The following PTPRG variants were observed in gnomAD, a reference collection of about 807,000 sequenced individuals.
PTPRG encodes the protein receptor-type tyrosine-protein phosphatase gamma.
A neutral mutation model predicts 165.3 loss-of-function variants in PTPRG; 102 were observed. The observed-to-expected ratio is 0.62, with a 90% CI of 0.53 to 0.73. PTPRG has a LOEUF of 0.73. PTPRG is among the 30% of genes least tolerant of loss of function. The pLI, the probability that PTPRG is intolerant of heterozygous loss-of-function variation, is 0.00. For missense variants in PTPRG, 1,866 were observed against 1,861.4 expected (o/e 1.00, Z -0.05); for synonymous variants, 675 against 669.5 (o/e 1.01, Z -0.13).
At chr3:61,840,065 T>C (rs2036580191) in intron 2 of PTPRG, among the ~76,000 whole-genome samples, 1 of 152,226 alleles carries the variant, frequency 6.6e-6, no homozygotes, top group Admixed American at 6.5e-5. Flanking sequence ...ACTTATAGTT[T>C]ATATGCACAT....
chr3:62,157,907 TAGAG>T (rs1324972399), intron 7 of PTPRG, among the ~76,000 whole-genome samples: 1 of 149,242 alleles, frequency 6.7e-6, no homozygotes, highest in Non-Finnish European at 1.5e-5. Context: ...AACACAAACA[TAGAG>T]AGATGGGTAT....
intron 1 of PTPRG, among the ~76,000 whole-genome samples, chr3:61,654,804 C>CA (rs1702464252): frequency 8.7e-6 from 1 of 114,942 alleles, no homozygotes; most frequent in Non-Finnish European, 1.7e-5. Flanking sequence ...TTTTTTGAGA[C>CA]AAAGTCTCAC....
At chr3:61,896,555 C>T (rs1232434276) in intron 2 of PTPRG, among the ~76,000 whole-genome samples, 2 of 152,140 alleles carry the variant, frequency 1.3e-5, no homozygotes, top group African/African-American at 2.4e-5. Context: ...TTCTATTTCT[C>T]TGGAATTAAT....
chr3:62,226,383 A>G (rs906627771), intron 13 of PTPRG, among the ~76,000 whole-genome samples: 22 of 152,338 alleles, frequency 1.4e-4, no homozygotes, highest in Admixed American at 5.9e-4. Context: ...GGATTTGCCA[A>G]AATCATGTGA....
chr3:61,997,797 A>G (rs1322514406), intron 3 of PTPRG, among the ~76,000 whole-genome samples: 1 of 152,162 alleles, frequency 6.6e-6, no homozygotes, highest in Non-Finnish European at 1.5e-5. Context: ...GTCTACAGGG[A>G]AATTAGTGGA....
rs1704569273 is a variant in PTPRG, at chr3:62,157,169, G to A, written c.785G>A (p.Ser262Asn). 6.2e-7 allele frequency: 1 copy of A among 1,614,030 alleles called. No individual in the cohort carries two copies. Among genetic ancestry groups the A allele is most frequent in the Non-Finnish European group, 8.5e-7 (1 of 1,179,912 alleles). Reference protein sequence around the residue: ...YTGSLTTPPCSEIVEWIVFRR... With the variant: ...YTGSLTTPPCNEIVEWIVFRR... ...GGTTCCTTGACCACACCACCGTGTA[G>A]CGAAATAGTGGAGTGGATAGTCTTC... is the stretch of plus-strand genomic sequence containing the variant. The change falls in exon 7 of 30, where the codon AGC (serine) becomes AAC (asparagine). Residue 262 changes from serine to asparagine, a missense_variant. Coordinates refer to ENST00000474889, the MANE Select transcript of PTPRG (RefSeq NM_002841.4).
intron 6 of PTPRG, among the ~76,000 whole-genome samples, chr3:62,147,344 C>G (rs1397646628): frequency 6.6e-6 from 1 of 152,178 alleles, no homozygotes; most frequent in Non-Finnish European, 1.5e-5. Flanking sequence ...CTGCCTGGCC[C>G]TATGCACATC....
chr3:62,273,592 A>T lies in PTPRG; in HGVS notation c.3319-106A>T. 8.9e-7 allele frequency: 1 copy of T among 1,120,892 alleles called. No homozygotes were observed. Among genetic ancestry groups the T allele is most frequent in the African/African-American group, 1.5e-5 (1 of 64,756 alleles). 69.4% of individuals were successfully genotyped at this position (1,120,892 alleles called of 1,614,324 possible). On this transcript the variant is annotated intron_variant, in intron 22 of 29. Transcript: ENST00000474889. This position sits in a 1 kb window ranked among gnomAD's most constrained non-coding sequence, Gnocchi z 4.1. ...TAGCTGTAAGTGCTTGAAGGAAATC[A>T]CTGGGAGGTCCCTGTTAGCAGCAGA...
At chr3:61,622,618 G>A (rs1701493955) in intron 1 of PTPRG, among the ~76,000 whole-genome samples, 1 of 152,084 alleles carries the variant, frequency 6.6e-6, no homozygotes, top group Non-Finnish European at 1.5e-5. Context: ...AATGGAAAGT[G>A]CTTTTCTCTG....
chr3:61,796,739 G>A (rs1477831662), intron 2 of PTPRG, among the ~76,000 whole-genome samples: 1 of 152,116 alleles, frequency 6.6e-6, no homozygotes, highest in Non-Finnish European at 1.5e-5. Context: ...TACAGAGGTC[G>A]TTTGCCCCTT....
At chr3:61,744,302 G>A (rs1232433418) in intron 1 of PTPRG, among the ~76,000 whole-genome samples, 1 of 152,126 alleles carries the variant, frequency 6.6e-6, no homozygotes, top group Non-Finnish European at 1.5e-5. Flanking sequence ...TAAATTATGT[G>A]AGTGCCAGTA....
At chr3:62,282,167 A>G (rs1228698620) in intron 27 of PTPRG, among the ~76,000 whole-genome samples, 1 of 151,986 alleles carries the variant, frequency 6.6e-6, no homozygotes. Flanking sequence ...ATAGAGTAGG[A>G]TATAAGGTCT....
intron 5 of PTPRG, among the ~76,000 whole-genome samples, chr3:62,123,931 A>G (rs992262965): frequency 5.3e-5 from 8 of 152,128 alleles, no homozygotes; most frequent in Admixed American, 4.6e-4. Context: ...TTCGCTCCCC[A>G]TGGTGGGAAT....
At chr3:62,111,742 G>A (rs559781997) in intron 5 of PTPRG, among the ~76,000 whole-genome samples, 2 of 151,788 alleles carry the variant, frequency 1.3e-5, no homozygotes, top group Admixed American at 6.6e-5. Context: ...AGCCACCACC[G>A]GGCCCATTTT....
chr3:61,818,163 A>T (rs1393800660), intron 2 of PTPRG, among the ~76,000 whole-genome samples: 4 of 152,210 alleles, frequency 2.6e-5, no homozygotes, highest in Non-Finnish European at 5.9e-5. Flanking sequence ...GCAGAAGAAA[A>T]GCATTACACT....
At chr3:61,714,158 A>G (rs1231526112) in intron 1 of PTPRG, among the ~76,000 whole-genome samples, 1 of 152,192 alleles carries the variant, frequency 6.6e-6, no homozygotes, top group Non-Finnish European at 1.5e-5. Context: ...GCAAACCTCA[A>G]GGAGAGGCCA....
At chr3:61,564,424 A>T (rs1450761063) in intron 1 of PTPRG, among the ~76,000 whole-genome samples, 1 of 152,164 alleles carries the variant, frequency 6.6e-6, no homozygotes, top group Non-Finnish European at 1.5e-5. Flanking sequence ...CTTGAGATCC[A>T]AAATGGGACT....
chr3:61,718,221 A>AAAC (rs1385439482), intron 1 of PTPRG, among the ~76,000 whole-genome samples: 4 of 151,828 alleles, frequency 2.6e-5, no homozygotes, highest in Admixed American at 6.6e-5. Flanking sequence ...ACCAAAAAAA[A>AAAC]AAAAAAAACG....
chr3:61,658,925 T>A (rs1407227800), intron 1 of PTPRG, among the ~76,000 whole-genome samples: 3 of 152,222 alleles, frequency 2.0e-5, no homozygotes. Context: ...CACTTCTGAA[T>A]CTGTGTTCAG....
Sources: gnomAD v4.1 joint callset for allele counts (sites outside exome capture counted in the v4.1 genomes callset) on GRCh38, gnomAD v4.1.1 for gene constraint, Gnocchi (gnomAD v3.1) non-coding constraint, MANE v1.5 for transcripts, NCBI Gene and HGNC (gene_info 2026-07-23, HGNC 2026-07-21) for gene names.